The following KCNAB1 variants were observed in gnomAD, a reference collection of about 807,000 sequenced individuals.
KCNAB1 encodes the protein voltage-gated potassium channel subunit beta-1.
In KCNAB1, 35 loss-of-function variants were observed where a neutral mutation model predicts 64.6. That is an observed-to-expected ratio of 0.54 (90% CI 0.41 to 0.72). KCNAB1 has a LOEUF of 0.72. Among genes scored for constraint, KCNAB1 ranks in the 30% least tolerant of loss-of-function variants. KCNAB1 has a pLI of 0.00. For missense variants in KCNAB1, 401 were observed against 512.9 expected (o/e 0.78, Z 2.11); for synonymous variants, 177 against 183.8 (o/e 0.96, Z 0.30).
At chr3:156,419,725 C>T (rs1215284225) in intron 1 of KCNAB1, among the ~76,000 whole-genome samples, 3 of 152,154 alleles carry the variant, frequency 2.0e-5, no homozygotes, top group South Asian at 2.1e-4. Context: ...GTGATCTCCA[C>T]GGTAAGATGT....
At chr3:156,409,867 A>G (rs1457989344) in intron 1 of KCNAB1, among the ~76,000 whole-genome samples, 1 of 152,260 alleles carries the variant, frequency 6.6e-6, no homozygotes, top group Non-Finnish European at 1.5e-5. Context: ...CCAGAACTCT[A>G]GCCTGACCAA....
intron 1 of KCNAB1, among the ~76,000 whole-genome samples, chr3:156,191,059 G>A (rs1006402411): frequency 5.3e-5 from 8 of 152,220 alleles, no homozygotes; most frequent in Non-Finnish European, 2.9e-5. Context: ...CAGGAGCAGA[G>A]GCTCATAATT....
intron 8 of KCNAB1, 61 bp downstream of exon 8, chr3:156,474,881 T>G: frequency 8.2e-7 from 1 of 1,217,592 alleles, no homozygotes; most frequent in Non-Finnish European, 1.2e-6. Flanking sequence ...GGGCTTATTC[T>G]GCTCACAGCA....
chr3:156,478,530 G>A (rs560369349), intron 8 of KCNAB1, among the ~76,000 whole-genome samples: 69 of 152,224 alleles, frequency 4.5e-4, no homozygotes, highest in African/African-American at 1.6e-3. Flanking sequence ...AGGTAGCGCG[G>A]AGTACAAGAA....
At chr3:156,235,318 TG>T (rs1716783134) in intron 1 of KCNAB1, among the ~76,000 whole-genome samples, 1 of 152,250 alleles carries the variant, frequency 6.6e-6, no homozygotes, top group Non-Finnish European at 1.5e-5. Flanking sequence ...TCTTCCTTCA[TG>T]TCACCTATTT....
chr3:156,333,341 C>CGT lies in KCNAB1; in HGVS notation c.276-88275_276-88274insGT, dbSNP rs1723471113. Reference sequence around the variant, plus strand: ...AGAAACACACACACACACACACACACATACACACACACACACACACGTGTA... The same window carrying CGT: ...AGAAACACACACACACACACACACACGTATACACACACACACACACACGTGTA... On this transcript the variant is annotated intron_variant, in intron 1 of 13. Transcript: ENST00000490337. Among the ~76,000 whole-genome samples the CGT allele has an allele frequency of 3.4e-5, 4 of 118,216 alleles. No homozygotes were observed. In the South Asian group the frequency reaches 1.1e-3, roughly 34 times the overall value. The allele number at this position is 118,216 out of a possible 152,430, so 77.6% of individuals were successfully genotyped here. A position where few individuals can be genotyped will look rare whatever the true frequency, so the allele number is the denominator to read the frequency against.
intron 6 of KCNAB1, among the ~76,000 whole-genome samples, chr3:156,465,322 A>G (rs1713281109): frequency 6.6e-6 from 1 of 152,204 alleles, no homozygotes; most frequent in South Asian, 2.1e-4. Context: ...TTTTCTCTAG[A>G]TTGGTTAAGA....
intron 1 of KCNAB1, among the ~76,000 whole-genome samples, chr3:156,186,258 C>T (rs1386328734): frequency 6.6e-6 from 1 of 152,158 alleles, no homozygotes; most frequent in Admixed American, 6.5e-5. Flanking sequence ...AAGAACCTGC[C>T]TATTTTTTTT....
chr3:156,524,902 A>G (rs1718210301), intron 12 of KCNAB1, among the ~76,000 whole-genome samples: 1 of 152,246 alleles, frequency 6.6e-6, no homozygotes, highest in East Asian at 1.9e-4. Flanking sequence ...ATGGAGCTGA[A>G]AAATTGCTAT....
intron 1 of KCNAB1, among the ~76,000 whole-genome samples, chr3:156,168,909 CTTG>C (rs1197618411): frequency 6.6e-6 from 1 of 152,172 alleles, no homozygotes; most frequent in Non-Finnish European, 1.5e-5. Context: ...CTGTAAAAAT[CTTG>C]TTGAAAGAAT....
intron 1 of KCNAB1, among the ~76,000 whole-genome samples, chr3:156,123,039 A>G (rs1713443189): frequency 6.6e-6 from 1 of 152,174 alleles, no homozygotes; most frequent in Admixed American, 6.5e-5. Flanking sequence ...TTTTTCTTTC[A>G]TTTGTAAATG....
chr3:156,495,012 C>CT (rs747915773), intron 8 of KCNAB1, among the ~76,000 whole-genome samples: 1 of 152,130 alleles, frequency 6.6e-6, no homozygotes, highest in Non-Finnish European at 1.5e-5. Context: ...CTTCCTGATA[C>CT]TCTCCCTCCT....
At chr3:156,504,600 A>G (rs1470633808) in intron 8 of KCNAB1, among the ~76,000 whole-genome samples, 1 of 151,990 alleles carries the variant, frequency 6.6e-6, no homozygotes, top group Admixed American at 6.6e-5. Flanking sequence ...TAGCCAGTCT[A>G]ATGGGTAAGA....
intron 1 of KCNAB1, among the ~76,000 whole-genome samples, chr3:156,223,246 G>A (rs1352931456): frequency 6.6e-6 from 1 of 152,218 alleles, no homozygotes; most frequent in East Asian, 1.9e-4. Context: ...AGAGAGAGCA[G>A]CAGCAAGATT....
At chr3:156,164,015 G>C (rs1303146381) in intron 1 of KCNAB1, among the ~76,000 whole-genome samples, 1 of 152,186 alleles carries the variant, frequency 6.6e-6, no homozygotes, top group Non-Finnish European at 1.5e-5. Context: ...TAGGCATCAA[G>C]ACTGCAAAGT....
chr3:156,301,313 A>G (rs1460292307), intron 1 of KCNAB1, among the ~76,000 whole-genome samples: 1 of 152,180 alleles, frequency 6.6e-6, no homozygotes, highest in Non-Finnish European at 1.5e-5. Context: ...ACTCTCTTTC[A>G]ACTCAAGAAT....
chr3:156,226,239 A>G (rs983232725), intron 1 of KCNAB1, among the ~76,000 whole-genome samples: 6 of 152,264 alleles, frequency 3.9e-5, no homozygotes, highest in Admixed American at 3.3e-4. Context: ...GTGGAACAGA[A>G]TAGAGAACCC....
chr3:156,230,395 G>A (rs1000675019), intron 1 of KCNAB1, among the ~76,000 whole-genome samples: 1 of 152,198 alleles, frequency 6.6e-6, no homozygotes, highest in African/African-American at 2.4e-5. Flanking sequence ...TAGCCTAGGT[G>A]TGTAGTGGGC....
At chr3:156,159,586 A>T (rs145479760) in intron 1 of KCNAB1, among the ~76,000 whole-genome samples, 1 of 152,274 alleles carries the variant, frequency 6.6e-6, no homozygotes, top group East Asian at 1.9e-4. Context: ...TTTGCATTTG[A>T]TTATGGCAGT....
Sources: gnomAD v4.1 joint callset for allele counts (sites outside exome capture counted in the v4.1 genomes callset) on GRCh38, gnomAD v4.1.1 for gene constraint, MANE v1.5 for transcripts, NCBI Gene and HGNC (gene_info 2026-07-23, HGNC 2026-07-21) for gene names.